ECE2: variants seen among roughly 807,000 people sequenced by gnomAD.
ECE2 encodes endothelin converting enzyme 2, also known as endothelin-converting enzyme 2.
In ECE2, 81 loss-of-function variants were observed where a neutral mutation model predicts 100.6. The observed-to-expected ratio is 0.81, with a 90% CI of 0.67 to 0.97. The LOEUF is 0.97. Ranked by LOEUF, ECE2 falls within the 50% of genes least tolerant of loss-of-function variation. The pLI is 0.00. For missense variants in ECE2, 911 were observed against 988.1 expected (o/e 0.92, Z 1.05); for synonymous variants, 391 against 391.5 (o/e 1.00, Z 0.02).
chr3:184,280,221 G>A (rs1439454656), intron 7 of ECE2, among the ~76,000 whole-genome samples: 1 of 152,186 alleles, frequency 6.6e-6, no homozygotes, highest in Non-Finnish European at 1.5e-5. Flanking sequence ...CACAGGAATA[G>A]GAGAGACTTT....
rs1449147691 is a variant in ECE2 at position 184,290,289 on chromosome 3, T to C, written c.1586T>C (p.Met529Thr). The C allele has an allele frequency of 2.5e-6, 4 of 1,613,990 alleles. No individual in the cohort carries two copies. The highest frequency in any genetic ancestry group is 3.4e-6 in the Non-Finnish European group (4 of 1,179,998). ...TCTGAAGATTCTTTCTTCCAAAACA[T>C]GTTGAATTTGTACAACTTCTCTGCC... is the stretch of plus-strand genomic sequence containing the variant. ...EISEDSFFQN[M>T]LNLYNFSAKV... Residue 529 changes from methionine to threonine, a missense_variant, in exon 14 of 19, where the codon ATG becomes ACG. By Grantham distance (81) the Met-to-Thr change is moderately conservative. Coordinates refer to ENST00000404464, the MANE Select transcript of ECE2 (RefSeq NM_001100121.2).
At chr3:184,279,324 AAAAAGAAAG>A in intron 7 of ECE2, among the ~76,000 whole-genome samples, 1 of 149,988 alleles carries the variant, frequency 6.7e-6, no homozygotes, top group South Asian at 2.1e-4. Context: ...AAAAAAAAAA[AAAAAGAAAG>A]AAAAAGAAAG....
At chr3:184,286,191 A>G (rs911064166) in intron 10 of ECE2, among the ~76,000 whole-genome samples, 2 of 152,110 alleles carry the variant, frequency 1.3e-5, no homozygotes, top group Non-Finnish European at 2.9e-5. Flanking sequence ...CATTCCAGGG[A>G]CAAGGAACGG....
chr3:184,290,814 C>T lies in ECE2; in HGVS notation c.1788C>T (p.Ile596=), dbSNP rs755368070. The part of the protein sequence containing the change: ...NHPKALNFGG[I]GVVMGHELTH... ...CCAGGGCCCTGAACTTCGGTGGCATCGGTGTGGTCATGGGCCATGAGTTGA... is the reference window on the plus strand; with the variant it reads ...CCAGGGCCCTGAACTTCGGTGGCATTGGTGTGGTCATGGGCCATGAGTTGA... Residue 596 remains isoleucine (I), a synonymous_variant, in exon 16 of 19, where the codon ATC becomes ATT. Coordinates refer to ENST00000404464, the MANE Select transcript of ECE2 (RefSeq NM_001100121.2). The T allele has an allele frequency of 9.3e-6, 15 of 1,614,044 alleles. No individual in the cohort carries two copies. Among genetic ancestry groups the T allele is most frequent in the African/African-American group, 1.3e-5 (1 of 74,906 alleles).
chr3:184,290,674 C>A lies in ECE2; in HGVS notation c.1766+7C>A. On this transcript the variant is annotated splice_region_variant and intron_variant, in intron 15 of 18. Coordinates refer to ENST00000404464, the MANE Select transcript of ECE2 (RefSeq NM_001100121.2). ...ATGCCCGCAACCACCCCAAGTGTGT[C>A]TGAAGCAGGAGGGGCTGGGTGCTGG... is the stretch of plus-strand genomic sequence containing the variant. 6.2e-7 allele frequency: 1 copy of A among 1,613,830 alleles called. No homozygotes were observed. The highest frequency in any genetic ancestry group is 8.5e-7 in the Non-Finnish European group (1 of 1,179,846).
In ECE2 at chr3:184,287,840, T is replaced by C. The variant is rs770554915; in HGVS notation, c.1267T>C (p.Cys423Arg). 30 of 1,613,958 alleles carry C rather than the reference T, an allele frequency of 1.9e-5. No homozygotes were observed. The East Asian group carries it at 2.0e-4, about 11-fold the overall frequency. ...LETLYGTKKSCVPRWQTCISN... is the reference protein window; with the variant it reads ...LETLYGTKKSRVPRWQTCISN... ...CTGGCTCTTTGTCCTTTAACAGTCCTGTGTGCCGAGGTGGCAGACCTGCAT... is the reference window on the plus strand; with the variant it reads ...CTGGCTCTTTGTCCTTTAACAGTCCCGTGTGCCGAGGTGGCAGACCTGCAT... The change falls in exon 11 of 19, where the codon TGT becomes CGT. Residue 423 changes from cysteine to arginine, a missense_variant. Transcript: ENST00000404464.
At position 184,291,486 on chromosome 3, in the gene ECE2, C is replaced by T; in HGVS notation, c.2121+47C>T. On this transcript the variant is annotated intron_variant, in intron 18 of 18. Coordinates refer to ENST00000404464, the MANE Select transcript of ECE2 (RefSeq NM_001100121.2). The surrounding 1 kb of genome is among the most constrained non-coding windows in gnomAD (Gnocchi z 4.1). ...TGGGGTCTGCCCCTTTGTCCTGCTC[C>T]CTCCTGAGTATGTCATTAGGAGAAC... is the stretch of plus-strand genomic sequence containing the variant. 6.7e-7 allele frequency: 1 copy of T among 1,482,806 alleles called. No homozygotes were observed. The highest frequency in any genetic ancestry group is 9.0e-7 in the Non-Finnish European group (1 of 1,105,340). The allele number at this position is 1,482,806 out of a possible 1,614,324, so 91.9% of individuals were successfully genotyped here.
chr3:184,292,030 C>G (rs1257489463), intron 18 of ECE2, 32 bp from the exon 19 acceptor site: 10 of 1,592,432 alleles, frequency 6.3e-6, no homozygotes. Flanking sequence ...ACACTAGACA[C>G]CATATGCCCC....
intron 8 of ECE2, among the ~76,000 whole-genome samples, chr3:184,284,354 C>T (rs1254480692): frequency 2.6e-5 from 4 of 151,986 alleles, no homozygotes; most frequent in African/African-American, 9.7e-5. Flanking sequence ...ACCAGCCTAG[C>T]CAACATGGTG....
Position 184,291,165 on chromosome 3 carries a change from C to T in ECE2, c.1960C>T (p.Leu654Phe). The T allele has an allele frequency of 6.2e-7, 1 of 1,613,888 alleles. No individual in the cohort carries two copies. Among genetic ancestry groups the T allele is most frequent in the African/African-American group, 1.3e-5 (1 of 75,050 alleles). The change falls in exon 17 of 19, where the codon CTC becomes TTC. Residue 654 changes from leucine (L) to phenylalanine (F), a missense_variant. Leu to Phe is a conservative substitution (Grantham distance 22). Transcript: ENST00000404464. The surrounding 1 kb of genome is among the most constrained non-coding windows in gnomAD (Gnocchi z 4.1). ...YNQYQVNGER[L>F]NGRQTLGENI... is the part of the protein sequence containing the mutation. ...TCAATACCAGGTCAATGGGGAGAGGCTCAACGGCCGCCAGACGCTGGGGGA... is the reference window on the plus strand; with the variant it reads ...TCAATACCAGGTCAATGGGGAGAGGTTCAACGGCCGCCAGACGCTGGGGGA...
rs1560180634 is a variant in ECE2, at chr3:184,277,245, C to T, written c.263-6C>T. Reference sequence around the variant, plus strand: ...TCCTACCCTCCGGCCATGTTCCCTACCACAGACCCATCCCACAGCACCTGC... The same window carrying T: ...TCCTACCCTCCGGCCATGTTCCCTATCACAGACCCATCCCACAGCACCTGC... On this transcript the variant is annotated splice_polypyrimidine_tract_variant and splice_region_variant and intron_variant, in intron 3 of 18. Coordinates refer to ENST00000404464, the MANE Select transcript of ECE2 (RefSeq NM_001100121.2). 1.9e-6 allele frequency: 3 copies of T among 1,614,202 alleles called. No individual in the cohort carries two copies. Among genetic ancestry groups the T allele is most frequent in the East Asian group, 4.5e-5 (2 of 44,888 alleles).
At position 184,285,040 on chromosome 3, in the gene ECE2, T is replaced by C. The variant is rs1720973240; in HGVS notation, c.1083T>C (p.Pro361=). The C allele has an allele frequency of 1.2e-6, 2 of 1,614,042 alleles. No individual in the cohort carries two copies. Among genetic ancestry groups the C allele is most frequent in the Non-Finnish European group, 8.5e-7 (1 of 1,180,034 alleles). The change falls in exon 9 of 19, where the codon CCT becomes CCC. Residue 361 remains proline (P), a synonymous_variant. Transcript: ENST00000404464. ...LSPLELSDSE[P]VVVYGMDYLQ... ...CATTGGAGTTGAGTGACTCTGAGCCTGTGGTGGTGTATGGGATGGATTATT... is the reference window on the plus strand; with the variant it reads ...CATTGGAGTTGAGTGACTCTGAGCCCGTGGTGGTGTATGGGATGGATTATT...
rs1384473829 is a variant in ECE2 at position 184,293,002 on chromosome 3, C to T, written c.*764C>T. On this transcript the variant is annotated 3_prime_UTR_variant, in exon 19 of 19. Coordinates refer to ENST00000404464, the MANE Select transcript of ECE2 (RefSeq NM_001100121.2). Reference sequence around the variant, plus strand: ...GTGTGGTCTTGGCCCTTATAGGACCCTGTGCCAATAAACAGACATGCATCC... The same window carrying T: ...GTGTGGTCTTGGCCCTTATAGGACCTTGTGCCAATAAACAGACATGCATCC... The T allele has an allele frequency of 6.6e-6, 1 of 152,236 alleles. No homozygotes were observed. Among genetic ancestry groups the T allele is most frequent in the Non-Finnish European group, 1.5e-5 (1 of 68,070 alleles). The allele number at this position is 152,236 out of a possible 1,614,324, so 9.4% of individuals were successfully genotyped here. A position where few individuals can be genotyped will look rare whatever the true frequency, so the allele number is the denominator to read the frequency against.
At chr3:184,287,446 C>T (rs904917362) in intron 10 of ECE2, among the ~76,000 whole-genome samples, 2 of 152,080 alleles carry the variant, frequency 1.3e-5, no homozygotes, top group African/African-American at 4.8e-5. Flanking sequence ...AATCCCAGCA[C>T]TTTGGGAGGC....
At chr3:184,278,074 G>A (rs772242063) in intron 5 of ECE2, 25 bp downstream of exon 5, 1 of 1,613,850 alleles carries the variant, frequency 6.2e-7, no homozygotes, top group Admixed American at 1.7e-5. Flanking sequence ...CCGGTTGAGG[G>A]CAGGGGAGCA....
At position 184,277,426 on chromosome 3, in the gene ECE2, C is replaced by T; in HGVS notation, c.438C>T (p.Ser146=). 6.2e-7 allele frequency: 1 copy of T among 1,614,246 alleles called. No homozygotes were observed. Among genetic ancestry groups the T allele is most frequent in the African/African-American group, 1.3e-5 (1 of 75,076 alleles). ...DGRSRWNTFN[S]LWDQNQAILK... ...GTTCTCGCTGGAACACCTTCAACAG[C>T]CTCTGGGACCAAAACCAGGCCATAC... The change falls in exon 4 of 19, where the codon AGC becomes AGT. Residue 146 remains serine (S), a synonymous_variant. Transcript: ENST00000404464.
Position 184,289,676 on chromosome 3 carries a change from C to A in ECE2, c.1509C>A (p.Asp503Glu). The change falls in exon 13 of 19, where the codon GAC (aspartate) becomes GAA (glutamate). Residue 503 changes from aspartate to glutamate, a missense_variant. By Grantham distance (45) the Asp-to-Glu change is conservative (BLOSUM62 2). Coordinates refer to ENST00000404464, the MANE Select transcript of ECE2 (RefSeq NM_001100121.2). The surrounding 1 kb of genome is among the most constrained non-coding windows in gnomAD (Gnocchi z 4.1). ...DAIYDMIGFPDFILEPKELDD... is the reference protein window; with the variant it reads ...DAIYDMIGFPEFILEPKELDD... The stretch of plus-strand genomic sequence containing the variant: ...TCTATGATATGATTGGTTTCCCAGA[C>A]TTTATCCTGGAGCCCAAAGAGCTGG... 6.2e-7 allele frequency: 1 copy of A among 1,613,676 alleles called. No homozygotes were observed. Among genetic ancestry groups the A allele is most frequent in the South Asian group, 1.1e-5 (1 of 91,012 alleles).
At chr3:184,279,794 C>T (rs1298223628) in intron 7 of ECE2, among the ~76,000 whole-genome samples, 4 of 151,910 alleles carry the variant, frequency 2.6e-5, no homozygotes, top group Non-Finnish European at 5.9e-5. Flanking sequence ...ATGGAGGGGA[C>T]CTTGAATAGC....
At position 184,292,080 on chromosome 3, in the gene ECE2, A is replaced by G; in HGVS notation, c.2140A>G (p.Thr714Ala). The G allele has an allele frequency of 1.2e-6, 2 of 1,613,544 alleles. No individual in the cohort carries two copies. Among genetic ancestry groups the G allele is most frequent in the Non-Finnish European group, 1.7e-6 (2 of 1,179,840 alleles). The change falls in exon 19 of 19, where the codon ACA (threonine) becomes GCA (alanine). Residue 714 changes from threonine to alanine, a missense_variant. Thr to Ala is a moderately conservative substitution (Grantham distance 58). Coordinates refer to ENST00000404464, the MANE Select transcript of ECE2 (RefSeq NM_001100121.2). ...CCCGCAGGTGTGGTGCTCGGTCCGC[A>G]CACCAGAGAGCTCTCACGAGGGGCT... ...GFAQVWCSVR[T>A]PESSHEGLVT...
Sources: allele counts gnomAD v4.1 joint callset (sites outside exome capture counted in the v4.1 genomes callset), GRCh38; gene constraint gnomAD v4.1.1; non-coding constraint Gnocchi (gnomAD v3.1); transcripts MANE v1.5; gene names NCBI Gene and HGNC (gene_info 2026-07-23, HGNC 2026-07-21).